Variants in MYOZ3 observed in about 807,000 individuals in gnomAD.
The protein encoded by MYOZ3 is myozenin 3.
Under a neutral mutation model 26.5 loss-of-function variants are expected in MYOZ3, and 19 were observed. That is an observed-to-expected ratio of 0.72 (90% confidence interval 0.50 to 1.05). MYOZ3 has a LOEUF of 1.05. Among genes scored for constraint, MYOZ3 ranks in the 50% least tolerant of loss-of-function variants. The probability of loss-of-function intolerance (pLI) is 0.00; values close to 1 mark genes in which losing one functional copy is unlikely to be tolerated. For synonymous variants in MYOZ3, 135 were observed against 138.8 expected (o/e 0.97, Z 0.19); for missense variants, 322 against 337.1 (o/e 0.96, Z 0.35).
At chr5:150,672,300 G>T (rs1274692434) in intron 5 of MYOZ3, 40 bp from the exon 6 acceptor site, 4 of 1,558,712 alleles carry the variant, frequency 2.6e-6, no homozygotes, top group Non-Finnish European at 3.5e-6. Context: ...GGGGCTGAGG[G>T]TGGAAGAACG....
At chr5:150,670,683 G>A in intron 3 of MYOZ3, 45 bp downstream of exon 3, 1 of 1,561,090 alleles carries the variant, frequency 6.4e-7, no homozygotes, top group Non-Finnish European at 8.7e-7. Flanking sequence ...GAGGACCACA[G>A]AGAGCCACTG....
At chr5:150,676,641 C>T (rs1041578243) in intron 6 of MYOZ3, 66 bp from the exon 7 acceptor site, 130 of 1,510,174 alleles carry the variant, frequency 8.6e-5, no homozygotes, top group Non-Finnish European at 1.1e-4. Context: ...CATGGTGATC[C>T]ACATGTCAGT....
At chr5:150,669,621 G>A (rs1294090995) in intron 2 of MYOZ3, among the ~76,000 whole-genome samples, 9 of 144,276 alleles carry the variant, frequency 6.2e-5, no homozygotes, top group South Asian at 2.2e-4. Context: ...CTTTCCTCAG[G>A]GCCCATATAT....
Position 150,676,903 on chromosome 5 carries a change from T to G in MYOZ3, c.*28T>G, listed in dbSNP as rs763846274. ...CTAGCCTGAATCTTCAGTTCCCCAGTCTCGGGGGCCTGGTAACATCCGGAG... is the reference window on the plus strand; with the variant it reads ...CTAGCCTGAATCTTCAGTTCCCCAGGCTCGGGGGCCTGGTAACATCCGGAG... On this transcript the variant is annotated 3_prime_UTR_variant, in exon 7 of 7. Transcript: ENST00000517768. 6.3e-7 allele frequency: 1 copy of G among 1,583,674 alleles called. No homozygotes were observed. Among genetic ancestry groups the G allele is most frequent in the Admixed American group, 1.7e-5 (1 of 58,318 alleles).
At chr5:150,670,755 T>C in intron 3 of MYOZ3, 117 bp downstream of exon 3, 2 of 980,136 alleles carry the variant, frequency 2.0e-6, no homozygotes, top group Non-Finnish European at 2.9e-6. Context: ...CAGATTAGGC[T>C]CCTGCCTTTC....
At chr5:150,663,060 C>A in intron 2 of MYOZ3, 58 bp downstream of exon 2, 2 of 1,452,720 alleles carry the variant, frequency 1.4e-6, no homozygotes, top group East Asian at 2.3e-5. Flanking sequence ...TGCTCCCAGG[C>A]TGCACTCACT....
At chr5:150,662,303 AG>A (rs1019026287) in intron 1 of MYOZ3, among the ~76,000 whole-genome samples, 2 of 152,156 alleles carry the variant, frequency 1.3e-5, no homozygotes, top group African/African-American at 4.8e-5. Context: ...AGATACAAAT[AG>A]GGGGATGGAA....
chr5:150,678,351 C>T lies in MYOZ3; in HGVS notation c.*1476C>T, dbSNP rs1425534520. 5 of 152,196 alleles carry T rather than the reference C, an allele frequency of 3.3e-5. No homozygotes were observed. The highest frequency in any genetic ancestry group is 7.3e-5 in the Non-Finnish European group (5 of 68,052). 9.4% of individuals were successfully genotyped at this position (152,196 alleles called of 1,614,324 possible). The stretch of plus-strand genomic sequence containing the variant: ...GCTTGGGCTGGTAGTAGTTTCTCTA[C>T]ATATCTTATTTCTAATTCTCAGAAC... On this transcript the variant is annotated 3_prime_UTR_variant, in exon 7 of 7. Transcript: ENST00000517768.
chr5:150,670,632 G>T lies in MYOZ3; in HGVS notation c.210G>T (p.Gln70His). The change falls in exon 3 of 7, where the codon CAG (glutamine) becomes CAT (histidine). Residue 70 changes from glutamine (Q) to histidine (H), a missense_variant. By Grantham distance (24) the Gln-to-His change is conservative. Coordinates refer to ENST00000517768, the MANE Select transcript of MYOZ3 (RefSeq NM_001122853.3). ...TCACTTTCGAGTTAGCAGCCAGCCA[G>T]CGGGCGGTGAGTAAGCCACCATTGT... is the stretch of plus-strand genomic sequence containing the variant. ...QKFTFELAAS[Q>H]RAMLAGSARR... The T allele has an allele frequency of 6.2e-7, 1 of 1,608,346 alleles. No individual in the cohort carries two copies. Among genetic ancestry groups the T allele is most frequent in the Non-Finnish European group, 8.5e-7 (1 of 1,175,768 alleles).
At chr5:150,662,917 T>C (rs766841608) in intron 1 of MYOZ3, 24 bp from the exon 2 acceptor site, 17 of 1,606,050 alleles carry the variant, frequency 1.1e-5, no homozygotes, top group Non-Finnish European at 1.4e-5. Flanking sequence ...GCCTGGTCCA[T>C]TTATGGGGGT....
Position 150,677,040 on chromosome 5 carries a change from T to C in MYOZ3, c.*165T>C, listed in dbSNP as rs111890776. On this transcript the variant is annotated 3_prime_UTR_variant, in exon 7 of 7. Coordinates refer to ENST00000517768, the MANE Select transcript of MYOZ3 (RefSeq NM_001122853.3). ...TCAGTCGTCCCAAAACATGGGTGTG[T>C]TTCAAAATTACCTGGGGATGTTGTT... is the stretch of plus-strand genomic sequence containing the variant. 22,276 of 640,312 alleles carry C rather than the reference T, an allele frequency of 0.035. 2,561 individuals carry two copies. The highest frequency in any genetic ancestry group is 0.29 in the African/African-American group (15,790 of 54,508). The allele number at this position is 640,312 out of a possible 1,614,324, so 39.7% of individuals were successfully genotyped here. A position where few individuals can be genotyped will look rare whatever the true frequency, so the allele number is the denominator to read the frequency against.
chr5:150,667,316 C>T (rs1758825767), intron 2 of MYOZ3, among the ~76,000 whole-genome samples: 1 of 152,188 alleles, frequency 6.6e-6, no homozygotes, highest in Non-Finnish European at 1.5e-5. Flanking sequence ...CTTGCACAAC[C>T]TCATTCTCAG....
intron 6 of MYOZ3, 52 bp downstream of exon 6, chr5:150,672,554 G>A: frequency 6.6e-7 from 1 of 1,517,192 alleles, no homozygotes; most frequent in African/African-American, 1.4e-5. Flanking sequence ...CGGGAAGCCA[G>A]TCACAGCCAC....
intron 2 of MYOZ3, among the ~76,000 whole-genome samples, chr5:150,666,231 C>T (rs1407107868): frequency 6.6e-6 from 1 of 152,108 alleles, no homozygotes; most frequent in Non-Finnish European, 1.5e-5. Context: ...CTTTATATGT[C>T]CCATGGTCAC....
Position 150,671,596 on chromosome 5 carries a change from G to C in MYOZ3, c.217-1G>C, listed in dbSNP as rs1758910557. On this transcript the variant is annotated splice_acceptor_variant, in intron 3 of 6. Transcript: ENST00000517768. LOFTEE classifies it high-confidence loss of function. ...GGTTTATTCTACCCCCTCGTTCCCA[G>C]ATGCTGGCCGGAAGCGCCAGGAGGA... 5.0e-6 allele frequency: 8 copies of C among 1,613,704 alleles called. No individual in the cohort carries two copies. In the African/African-American group the frequency reaches 8.0e-5, roughly 16 times the overall value.
intron 5 of MYOZ3, 135 bp from the exon 6 acceptor site, chr5:150,672,205 C>T: frequency 7.5e-7 from 1 of 1,338,484 alleles, no homozygotes; most frequent in Non-Finnish European, 1.0e-6. Context: ...ACTGTGGCTT[C>T]CCATTCCCGC....
At chr5:150,670,428 G>A in intron 2 of MYOZ3, 56 bp from the exon 3 acceptor site, 1 of 1,533,936 alleles carries the variant, frequency 6.5e-7, no homozygotes. Flanking sequence ...GAGAGGTGGG[G>A]CCTGGAGTGT....
upstream of MYOZ3, chr5:150,661,184 GC>G (rs751932739): frequency 2.6e-5 from 4 of 152,452 alleles, no homozygotes; most frequent in Admixed American, 6.5e-5. Flanking sequence ...AGGGTCTGGT[GC>G]TTTTAGCCTC....
chr5:150,676,226 G>A (rs1006522669), intron 6 of MYOZ3, among the ~76,000 whole-genome samples: 1 of 148,148 alleles, frequency 6.8e-6, no homozygotes, highest in African/African-American at 2.7e-5. Flanking sequence ...ACTTGGAAAT[G>A]GGCAAAGTTG....
Sources: allele counts gnomAD v4.1 joint callset (sites outside exome capture counted in the v4.1 genomes callset), GRCh38; gene constraint gnomAD v4.1.1; transcripts MANE v1.5; gene names NCBI Gene and HGNC (gene_info 2026-07-23, HGNC 2026-07-21).